The following PPWD1 variants were observed in gnomAD, a reference collection of about 807,000 sequenced individuals.
The protein encoded by PPWD1 is peptidylprolyl isomerase domain and WD repeat-containing protein 1.
Under a neutral mutation model 68.8 loss-of-function variants are expected in PPWD1, and 43 were observed. The observed-to-expected ratio is 0.62, with a 90% CI of 0.49 to 0.81. PPWD1 has a LOEUF of 0.81. PPWD1 is among the 30% of genes least tolerant of loss of function. The probability of loss-of-function intolerance (pLI) is 0.00; values close to 1 mark genes in which losing one functional copy is unlikely to be tolerated. For synonymous variants in PPWD1, 232 were observed against 258.7 expected, an observed-to-expected ratio of 0.90 and a Z score of 0.99; for missense variants, 672 against 804.8, an observed-to-expected ratio of 0.83 and a Z score of 2.00.
At chr5:65,564,159 G>C (rs2150584720) in intron 1 of PPWD1, among the ~76,000 whole-genome samples, 1 of 152,140 alleles carries the variant, frequency 6.6e-6, no homozygotes, top group South Asian at 2.1e-4. Context: ...TGGGAAAAGG[G>C]GTAGATTAAG....
chr5:65,570,800 C>G lies in PPWD1; in HGVS notation c.521+802C>G, dbSNP rs528106132. Among the ~76,000 whole-genome samples the G allele has an allele frequency of 2.1e-3, 316 of 152,046 alleles. 1 individual carries two copies. The highest frequency in any genetic ancestry group is 3.0e-3 in the Non-Finnish European group (202 of 67,936). ...TTTTTTCTTCTTATAAGGCTACAAGCCCATCAGATTAGGACCCCACCCTGA... is the reference window on the plus strand; with the variant it reads ...TTTTTTCTTCTTATAAGGCTACAAGGCCATCAGATTAGGACCCCACCCTGA... On this transcript the variant is annotated intron_variant, in intron 4 of 10. Transcript: ENST00000261308.
At chr5:65,576,372 A>ATT in intron 5 of PPWD1, 2 of 942,122 alleles carry the variant, frequency 2.1e-6, no homozygotes, top group Non-Finnish European at 2.5e-6. Flanking sequence ...TTTGAAATAC[A>ATT]ATTTTTTTTT....
At chr5:65,567,457 T>C (rs1444323249) in intron 1 of PPWD1, 56 bp from the exon 2 acceptor site, 2 of 1,497,020 alleles carry the variant, frequency 1.3e-6, no homozygotes, top group Non-Finnish European at 1.8e-6. Context: ...AAATACAAAA[T>C]AGTATTTGGT....
chr5:65,568,260 G>C (rs1752863363), intron 2 of PPWD1, among the ~76,000 whole-genome samples: 1 of 152,104 alleles, frequency 6.6e-6, no homozygotes, highest in South Asian at 2.1e-4. Context: ...TGTTTGTTGA[G>C]CTTATAGTAT....
intron 2 of PPWD1, 144 bp from the exon 3 acceptor site, chr5:65,569,488 A>T: frequency 2.1e-6 from 2 of 931,408 alleles, no homozygotes; most frequent in Non-Finnish European, 3.0e-6. Flanking sequence ...GTTCTGTAAT[A>T]TAGTGGTCTG....
rs775018345 is a variant in PPWD1, at chr5:65,563,353, A to G, written c.43A>G (p.Arg15Gly). 3 of 1,614,070 alleles carry G rather than the reference A, an allele frequency of 1.9e-6. No individual in the cohort carries two copies. The highest frequency in any genetic ancestry group is 1.1e-5 in the South Asian group (1 of 91,074). Reference protein sequence around the residue: ...SGSDFQQRRRRRRDPEEPEKT... With the variant: ...SGSDFQQRRRGRRDPEEPEKT... Reference sequence around the variant, plus strand: ...TAGCGATTTTCAGCAGAGACGTAGAAGGCGCCGGGACCCGGAGGAACCGGA... The same window carrying G: ...TAGCGATTTTCAGCAGAGACGTAGAGGGCGCCGGGACCCGGAGGAACCGGA... The change falls in exon 1 of 11, where the codon AGG becomes GGG. Residue 15 changes from arginine to glycine, a missense_variant. Arg to Gly is a moderately radical substitution (Grantham distance 125, BLOSUM62 -2). Around this residue, in one of 2 missense-constraint regions of PPWD1, gnomAD observed 188 missense variants for 158.6 expected, o/e 1.19. Transcript: ENST00000261308.
At chr5:65,579,330 T>TA in intron 6 of PPWD1, 94 bp from the exon 7 acceptor site, 1 of 1,375,696 alleles carries the variant, frequency 7.3e-7, no homozygotes, top group Non-Finnish European at 9.5e-7. Context: ...TGTACATAGA[T>TA]AAGATAGTTG....
chr5:65,570,747 G>A (rs1339851598), intron 4 of PPWD1, among the ~76,000 whole-genome samples: 1 of 152,008 alleles, frequency 6.6e-6, no homozygotes, highest in African/African-American at 2.4e-5. Context: ...GAAGAAGGAA[G>A]GGAGAGGGAA....
At position 65,585,104 on chromosome 5, in the gene PPWD1, C is replaced by CATAAA; in HGVS notation, c.1614+10_1614+14dup. 6.3e-7 allele frequency: 1 copy of CATAAA among 1,593,102 alleles called. No homozygotes were observed. The highest frequency in any genetic ancestry group is 8.6e-7 in the Non-Finnish European group (1 of 1,162,338). On this transcript the variant is annotated intron_variant, in intron 9 of 10. Transcript: ENST00000261308. The stretch of plus-strand genomic sequence containing the variant: ...TTCACCGTATAATTAAGGTAAGTTA[C>CATAAA]ATAAATTTCATGTCATATAAGAAAT...
intron 10 of PPWD1, 38 bp from the exon 11 acceptor site, chr5:65,587,215 G>C (rs761717638): frequency 1.0e-5 from 16 of 1,560,176 alleles, no homozygotes; most frequent in African/African-American, 8.2e-5. Flanking sequence ...TAAAGAAATT[G>C]GGGTTTACCA....
At chr5:65,567,431 C>T in intron 1 of PPWD1, 82 bp from the exon 2 acceptor site, 2 of 1,407,516 alleles carry the variant, frequency 1.4e-6, no homozygotes, top group South Asian at 1.7e-5. Flanking sequence ...AGAGTGTAGA[C>T]AATTTTAAAT....
intron 6 of PPWD1, among the ~76,000 whole-genome samples, chr5:65,577,313 TTGTG>T: frequency 6.6e-6 from 1 of 152,228 alleles, no homozygotes; most frequent in South Asian, 2.1e-4. Context: ...TTTCAAGTTG[TTGTG>T]TGTTTTTTTT....
In PPWD1 at chr5:65,572,053, A is replaced by T; in HGVS notation, c.736A>T (p.Met246Leu). The T allele has an allele frequency of 6.2e-7, 1 of 1,614,008 alleles. No individual in the cohort carries two copies. The highest frequency in any genetic ancestry group is 8.5e-7 in the Non-Finnish European group (1 of 1,179,876). Residue 246 changes from methionine (M) to leucine (L), a missense_variant, in exon 5 of 11, where the codon ATG (methionine) becomes TTG (leucine). Met to Leu is a conservative substitution (Grantham distance 15). This residue lies in a region of PPWD1 where 484 missense variants were observed against 646.2 expected (regional missense o/e 0.75). Transcript: ENST00000261308. The part of the protein sequence containing the change: ...KAVVSSDKSG[M>L]IEYWTGPPHE... ...AGTAGTGTCTTCTGACAAATCTGGG[A>T]TGATTGAATACTGGACTGGGCCTCC...
intron 1 of PPWD1, among the ~76,000 whole-genome samples, chr5:65,565,577 G>A (rs1752711393): frequency 6.6e-6 from 1 of 152,044 alleles, no homozygotes; most frequent in Non-Finnish European, 1.5e-5. Flanking sequence ...GCTGAGGCGG[G>A]CAGATCATCA....
rs1029676694 is a variant in PPWD1, at chr5:65,587,506, C to T, written c.*110C>T. ...ATATACAGATCATGTTTCAAAGATA[C>T]AGTATTTTTGTATTTTTTATTAAAG... On this transcript the variant is annotated 3_prime_UTR_variant, in exon 11 of 11. Transcript: ENST00000261308. The T allele has an allele frequency of 9.2e-6, 8 of 873,316 alleles. No individual in the cohort carries two copies. Among genetic ancestry groups the T allele is most frequent in the Admixed American group, 7.8e-5 (2 of 25,776 alleles). 54.1% of individuals were successfully genotyped at this position (873,316 alleles called of 1,614,324 possible).
intron 2 of PPWD1, chr5:65,568,949 T>C (rs1752890225): frequency 2.2e-6 from 1 of 455,816 alleles, no homozygotes; most frequent in African/African-American, 2.0e-5. Flanking sequence ...AATATAGGTT[T>C]TGTGGTGTGG....
intron 2 of PPWD1, chr5:65,569,232 T>G: frequency 3.3e-6 from 1 of 306,980 alleles, no homozygotes; most frequent in Non-Finnish European, 6.3e-6. Context: ...TTTTGTTGAA[T>G]TTTGTTGCGT....
rs772956521 is a variant in PPWD1, at chr5:65,563,428, CAGGAGAACGATG to C, written c.129_140del (p.Asp43_Asn46del). On this transcript the variant is annotated inframe_deletion, in exon 1 of 11. Transcript: ENST00000261308. ...GCTGGCAGTAGCAGTGGCGGTGTCC[CAGGAGAACGATG>C]AGGAGAACGAAGAGCGCTGGGTTGG... The C allele has an allele frequency of 1.9e-6, 3 of 1,614,060 alleles. No individual in the cohort carries two copies. The highest frequency in any genetic ancestry group is 1.7e-5 in the Admixed American group (1 of 60,008).
intron 2 of PPWD1, chr5:65,567,922 C>T: frequency 4.6e-6 from 1 of 216,722 alleles, no homozygotes; most frequent in Non-Finnish European, 8.4e-6. Flanking sequence ...GGTACCTGGC[C>T]TCTTTGGCAC....
Sources: allele counts gnomAD v4.1 joint callset (sites outside exome capture counted in the v4.1 genomes callset), GRCh38; gene constraint gnomAD v4.1.1; regional missense constraint gnomAD v4.1.1; transcripts MANE v1.5; gene names NCBI Gene and HGNC (gene_info 2026-07-23, HGNC 2026-07-21).